Variants in PLXNA3 observed in about 807,000 individuals in gnomAD.
The protein encoded by PLXNA3 is plexin A3.
PLXNA3 carries 52 observed loss-of-function variants against 118.8 expected under a neutral mutation model. The ratio of observed to expected loss-of-function variants is 0.44; its 90% confidence interval spans 0.35 to 0.55. The LOEUF is 0.55. Ranked by LOEUF, PLXNA3 falls within the 20% of genes least tolerant of loss-of-function variation. PLXNA3 has a pLI of 0.01. For missense variants in PLXNA3, 1,660 were observed against 1,730.8 expected, an observed-to-expected ratio of 0.96 and a Z score of 0.73; for synonymous variants, 925 against 762.4, an observed-to-expected ratio of 1.21 and a Z score of -3.51.
At chrX:154,472,208 G>A (rs929614233) in intron 32 of PLXNA3, among the ~76,000 whole-genome samples, 30 of 111,315 alleles carry the variant, frequency 2.7e-4, no homozygotes, top group African/African-American at 9.5e-4. Context: ...GGCAGTGGCC[G>A]GCTCCATCTT....
chrX:154,466,240 C>T lies in PLXNA3; in HGVS notation c.2769C>T (p.Arg923=). 7 of 1,209,151 alleles carry T rather than the reference C, an allele frequency of 5.8e-6. No homozygotes were observed. Among genetic ancestry groups the T allele is most frequent in the Non-Finnish European group, 7.8e-6 (7 of 895,363 alleles). Residue 923 remains arginine, a synonymous_variant, in exon 15 of 33, where the codon CGC becomes CGT. Coordinates refer to ENST00000369682, the MANE Select transcript of PLXNA3 (RefSeq NM_017514.5). The stretch of plus-strand genomic sequence containing the variant: ...TGGGTGACTGTTCAGCCGACTTCCG[C>T]ACGCAGTCGGAGCAGGTCTACAGCT... ...LCVGDCSADF[R]TQSEQVYSFV...
In PLXNA3 at chrX:154,473,061, C is replaced by T. The variant is rs1239770031; in HGVS notation, c.*376C>T. The T allele has an allele frequency of 3.5e-5, 5 of 142,260 alleles. No homozygotes were observed. The highest frequency in any genetic ancestry group is 7.1e-5 in the Non-Finnish European group (5 of 70,219). The allele number at this position is 142,260 out of a possible 1,213,427, so 11.7% of individuals were successfully genotyped here. On this transcript the variant is annotated 3_prime_UTR_variant, in exon 33 of 33. Transcript: ENST00000369682. ...TCCCCCCACCGGATGTCGCCACCCTCACTCACCTGCCTCTTCTTGAGCTGT... is the reference window on the plus strand; with the variant it reads ...TCCCCCCACCGGATGTCGCCACCCTTACTCACCTGCCTCTTCTTGAGCTGT...
rs782359746 is a variant in PLXNA3 at position 154,468,358 on chromosome X, G to A, written c.4019G>A (p.Arg1340His). The change falls in exon 23 of 33, where the codon CGC becomes CAC. Residue 1340 changes from arginine to histidine, a missense_variant. Arg to His is a conservative substitution (Grantham distance 29, BLOSUM62 0). Around this residue, in one of 2 missense-constraint regions of PLXNA3, gnomAD observed 869 missense variants for 1,078.7 expected, o/e 0.81. Transcript: ENST00000369682. ...LRLFGQLLHS[R>H]AFVLTFIHTL... ...CTCTTCGGGCAGCTGCTGCACAGCC[G>A]CGCGTTCGTGCTTACCTTCATCCAC... 6.6e-6 allele frequency: 8 copies of A among 1,209,770 alleles called. No homozygotes were observed. The East Asian group carries it at 1.8e-4, about 27-fold the overall frequency.
Position 154,467,674 on chromosome X carries a change from C to T in PLXNA3, c.3571C>T (p.Arg1191Trp), listed in dbSNP as rs146456043. 3.6e-5 allele frequency: 43 copies of T among 1,207,756 alleles called. No individual in the cohort carries two copies. In the African/African-American group the frequency reaches 4.4e-4, roughly 12 times the overall value. ...LLCDSPSQTG[R>W]QPVMVLVGGL... ...GTGCGACTCACCCAGCCAGACTGGC[C>T]GGCAGCCTGTCATGGTAGGTGGGGA... The change falls in exon 20 of 33, where the codon CGG becomes TGG. Residue 1191 changes from arginine to tryptophan, a missense_variant. By Grantham distance (101) the Arg-to-Trp change is moderately radical. Transcript: ENST00000369682.
In PLXNA3 at chrX:154,468,720, G is replaced by A; in HGVS notation, c.4278G>A (p.Lys1426=). The change falls in exon 24 of 33, where the codon AAG becomes AAA. Residue 1426 remains lysine (K), a synonymous_variant. Coordinates refer to ENST00000369682, the MANE Select transcript of PLXNA3 (RefSeq NM_017514.5). ...LTNWFTFLLH[K]FLKECAGEPL... ...ACTGGTTCACGTTCCTGCTGCATAA[G>A]TTTCTGAAGGTGCGCCAGGTGGGTG... 1 of 1,211,686 alleles carries A rather than the reference G, an allele frequency of 8.3e-7. No individual in the cohort carries two copies. The highest frequency in any genetic ancestry group is 1.1e-6 in the Non-Finnish European group (1 of 895,529).
chrX:154,469,248 C>T, intron 26 of PLXNA3, 33 bp downstream of exon 26: 1 of 1,194,678 alleles, frequency 8.4e-7, no homozygotes, highest in Non-Finnish European at 1.1e-6. Flanking sequence ...CTGGCTCCCA[C>T]TCATACCCTC....
In PLXNA3 at chrX:154,472,720, C is replaced by A; in HGVS notation, c.*35C>A. On this transcript the variant is annotated 3_prime_UTR_variant, in exon 33 of 33. Transcript: ENST00000369682. ...ATCGGTGAGGAGGGGGCTTCTCAGT[C>A]CTGTGCCGTCCTCCCATCCAGGGGA... 1 of 992,807 alleles carries A rather than the reference C, an allele frequency of 1.0e-6. No homozygotes were observed. The highest frequency in any genetic ancestry group is 1.4e-6 in the Non-Finnish European group (1 of 697,190). 81.8% of individuals were successfully genotyped at this position (992,807 alleles called of 1,213,427 possible).
At chrX:154,470,675 G>T in intron 30 of PLXNA3, 64 bp downstream of exon 30, 2 of 1,056,751 alleles carry the variant, frequency 1.9e-6, no homozygotes, top group Non-Finnish European at 2.6e-6. Flanking sequence ...GACGCTGGTG[G>T]CTCTGCTGAG....
chrX:154,469,523 A>T (rs782121499), intron 27 of PLXNA3, 41 bp downstream of exon 27: 2 of 1,064,040 alleles, frequency 1.9e-6, no homozygotes, highest in Non-Finnish European at 2.6e-6. Context: ...GCCACCTGGG[A>T]GCCAGGACCC....
At chrX:154,461,015 G>A in intron 2 of PLXNA3, 84 bp from the exon 3 acceptor site, 1 of 883,471 alleles carries the variant, frequency 1.1e-6, no homozygotes, top group Admixed American at 2.7e-5. Context: ...CCAGGCGGGA[G>A]GGGGATGCAG....
rs781967442 is a variant in PLXNA3 at position 154,468,098 on chromosome X, G to A, written c.3837G>A (p.Gln1279=). Reference sequence around the variant, plus strand: ...ACCCCCCAGCTTTTGCAGAGCTGCAGACGGACATCAATGAGCTGACTAACC... The same window carrying A: ...ACCCCCCAGCTTTTGCAGAGCTGCAAACGGACATCAATGAGCTGACTAACC... ...LECKEAFAEL[Q]TDINELTNHM... is the part of the protein sequence containing the mutation. The change falls in exon 22 of 33, where the codon CAG becomes CAA. Residue 1279 remains glutamine (Q), a synonymous_variant. Coordinates refer to ENST00000369682, the MANE Select transcript of PLXNA3 (RefSeq NM_017514.5). 8.4e-7 allele frequency: 1 copy of A among 1,192,351 alleles called. No homozygotes were observed. The highest frequency in any genetic ancestry group is 1.1e-6 in the Non-Finnish European group (1 of 883,834).
chrX:154,464,180 G>T lies in PLXNA3; in HGVS notation c.1695G>T (p.Val565=). ...AGCTGACCGTCACCCTGCACAACGT[G>T]CCAGACCTCAGTGCGGGCGTGAGCT... ...GVQLTVTLHN[V]PDLSAGVSCA... Residue 565 remains valine (V), a synonymous_variant, in exon 8 of 33, where the codon GTG becomes GTT. Transcript: ENST00000369682. The T allele has an allele frequency of 1.7e-6, 2 of 1,209,798 alleles. No individual in the cohort carries two copies. Among genetic ancestry groups the T allele is most frequent in the Non-Finnish European group, 2.2e-6 (2 of 894,783 alleles).
intron 9 of PLXNA3, 28 bp downstream of exon 9, chrX:154,464,529 A>G (rs782682701): frequency 8.8e-7 from 1 of 1,136,266 alleles, no homozygotes; most frequent in East Asian, 3.0e-5. Context: ...ACCCGTCCCT[A>G]CCCCTGGGGA....
At chrX:154,469,291 TC>T in intron 26 of PLXNA3, 76 bp downstream of exon 26, 2 of 1,155,371 alleles carry the variant, frequency 1.7e-6, no homozygotes, top group Non-Finnish European at 2.4e-6. Flanking sequence ...GCTCTCCCGC[TC>T]CCCACCTGAA....
At chrX:154,463,175 C>G (rs183345169) in intron 4 of PLXNA3, among the ~76,000 whole-genome samples, 4 of 111,267 alleles carry the variant, frequency 3.6e-5, no homozygotes, top group African/African-American at 9.8e-5. Flanking sequence ...ATCCCCTGAC[C>G]TTGGGCAACA....
rs1454078969 is a variant in PLXNA3 at position 154,465,070 on chromosome X, T to C, written c.2096T>C (p.Met699Thr). 1 of 1,208,476 alleles carries C rather than the reference T, an allele frequency of 8.3e-7. No homozygotes were observed. The highest frequency in any genetic ancestry group is 1.1e-6 in the Non-Finnish European group (1 of 894,505). The part of the protein sequence containing the change: ...SGDLLIPVGV[M>T]QPLTLRAKNL... ...GACCTCCTGATCCCCGTTGGGGTCATGCAGCCTCTTACCTTGCGGGCTAAG... is the reference window on the plus strand; with the variant it reads ...GACCTCCTGATCCCCGTTGGGGTCACGCAGCCTCTTACCTTGCGGGCTAAG... Residue 699 changes from methionine (M) to threonine (T), a missense_variant, in exon 11 of 33, where the codon ATG (methionine) becomes ACG (threonine). Around this residue, in one of 2 missense-constraint regions of PLXNA3, gnomAD observed 791 missense variants for 652.1 expected, o/e 1.21. Transcript: ENST00000369682.
chrX:154,467,745 C>T, intron 20 of PLXNA3, 22 bp from the exon 21 acceptor site: 1 of 1,198,213 alleles, frequency 8.3e-7, no homozygotes, highest in Middle Eastern at 2.3e-4. Flanking sequence ...GTGGTCAGCT[C>T]ACCTCAGGCC....
At chrX:154,471,425 AG>A (rs1253331130) in intron 31 of PLXNA3, 62 bp from the exon 32 acceptor site, 1 of 1,157,041 alleles carries the variant, frequency 8.6e-7, no homozygotes, top group East Asian at 3.0e-5. Flanking sequence ...CTGGCTGGGC[AG>A]TGAGGGCAGG....
chrX:154,464,090 G>A lies in PLXNA3; in HGVS notation c.1671+16G>A, dbSNP rs1557205957. On this transcript the variant is annotated intron_variant, in intron 7 of 32. Coordinates refer to ENST00000369682, the MANE Select transcript of PLXNA3 (RefSeq NM_017514.5). ...TGGGGTGCAGGTGAGCAGCTTGGGG[G>A]TGCCCGGCTGGGTGTGCACATGTGT... 2 of 1,210,929 alleles carry A rather than the reference G, an allele frequency of 1.7e-6. No individual in the cohort carries two copies. Among genetic ancestry groups the A allele is most frequent in the Non-Finnish European group, 2.2e-6 (2 of 895,077 alleles).
Sources: gnomAD v4.1 joint callset for allele counts (sites outside exome capture counted in the v4.1 genomes callset) on GRCh38, gnomAD v4.1.1 for gene constraint, gnomAD v4.1.1 regional missense constraint, MANE v1.5 for transcripts, NCBI Gene and HGNC (gene_info 2026-07-23, HGNC 2026-07-21) for gene names.